LYRM4: variants seen among roughly 807,000 people sequenced by gnomAD.
The protein encoded by LYRM4 is LYR motif-containing protein 4.
LYRM4 carries 9 observed loss-of-function variants against 11.7 expected under a neutral mutation model. The observed-to-expected ratio is 0.77, with a 90% CI of 0.46 to 1.34. The LOEUF is 1.34. Ranked by LOEUF, LYRM4 falls within the 40% of genes most tolerant of loss-of-function variation. The pLI, the probability that LYRM4 is intolerant of heterozygous loss-of-function variation, is 0.00. For missense variants in LYRM4, 133 were observed against 112.5 expected (o/e 1.18, Z -0.82); for synonymous variants, 42 against 40.4 (o/e 1.04, Z -0.15).
At chr6:5,060,077 G>T in the LYRM4 span, among the ~76,000 whole-genome samples, 2 of 152,168 alleles carry the variant, frequency 1.3e-5, no homozygotes, top group Non-Finnish European at 2.9e-5. Context: ...TATTGAACTT[G>T]TCCCCTCTTT....
chr6:5,066,951 C>T, the LYRM4 span: 7 of 1,075,762 alleles, frequency 6.5e-6, no homozygotes, highest in African/African-American at 9.7e-5. Flanking sequence ...GAGCCTCAGC[C>T]GAGGAGGAAA....
chr6:5,109,361 C>T lies in LYRM4; in HGVS notation c.*62G>A. On this transcript the variant is annotated 3_prime_UTR_variant, in exon 3 of 3. Coordinates refer to ENST00000330636, the MANE Select transcript of LYRM4 (RefSeq NM_020408.6). ...AAGCTGGTTTTGGGAGCCCCCATCT[C>T]AAACAGAGAGTGGATGCTGAAGGTG... is the stretch of plus-strand genomic sequence containing the variant. 6.2e-7 allele frequency: 1 copy of T among 1,609,082 alleles called. No individual in the cohort carries two copies. Among genetic ancestry groups the T allele is most frequent in the Non-Finnish European group, 8.5e-7 (1 of 1,176,328 alleles).
At chr6:5,103,628 A>ATT (rs1491437052), downstream of LYRM4, 2 of 98,620 alleles carry the variant, frequency 2.0e-5, no homozygotes, top group Admixed American at 1.3e-4. Context: ...AATATCTGAG[A>ATT]TATTTTTTTT....
chr6:5,085,770 GGCCAAGTTCCT>G, the LYRM4 span: 1 of 1,534,734 alleles, frequency 6.5e-7, no homozygotes, highest in Non-Finnish European at 8.8e-7. Context: ...TCTTGCAGGC[GGCCAAGTTCCT>G]GCAGCAGCAG....
At chr6:5,049,859 G>A in the LYRM4 span, among the ~76,000 whole-genome samples, 25 of 152,284 alleles carry the variant, frequency 1.6e-4, no homozygotes, top group African/African-American at 4.8e-4. Context: ...TAGTAGAGAC[G>A]GGGTTTCATC....
intron 2 of LYRM4, among the ~76,000 whole-genome samples, chr6:5,113,866 TA>T (rs1365225642): frequency 6.6e-6 from 1 of 152,200 alleles, no homozygotes; most frequent in Non-Finnish European, 1.5e-5. Context: ...CATGCCTGGC[TA>T]ATCAATGATT....
the LYRM4 span, among the ~76,000 whole-genome samples, chr6:5,073,493 T>TA: frequency 2.0e-5 from 3 of 148,388 alleles, no homozygotes; most frequent in Non-Finnish European, 4.5e-5. Context: ...TATCTATATA[T>TA]ATCTCTATAT....
the LYRM4 span, among the ~76,000 whole-genome samples, chr6:5,045,779 G>A: frequency 9.2e-5 from 14 of 151,716 alleles, no homozygotes; most frequent in East Asian, 3.8e-4. Context: ...TTTTCCTGCC[G>A]AAAAGAGGTG....
the LYRM4 span, among the ~76,000 whole-genome samples, chr6:5,045,429 G>C: frequency 0.014 from 2,185 of 152,326 alleles, 58 homozygotes; most frequent in African/African-American, 0.05. Flanking sequence ...CACAGAGATA[G>C]AAAGTAGACT....
intron 2 of LYRM4, among the ~76,000 whole-genome samples, chr6:5,165,611 C>G (rs189462682): frequency 2.0e-5 from 3 of 151,650 alleles, no homozygotes; most frequent in South Asian, 2.1e-4. Flanking sequence ...GGCGCGATCT[C>G]GGCTCACTGC....
the LYRM4 span, among the ~76,000 whole-genome samples, chr6:5,050,056 G>A: frequency 6.6e-6 from 1 of 152,242 alleles, no homozygotes; most frequent in East Asian, 1.9e-4. Flanking sequence ...TCTGATGTTC[G>A]ACATTCAAGA....
chr6:5,086,460 C>A, the LYRM4 span: 1 of 1,537,030 alleles, frequency 6.5e-7, no homozygotes, highest in Non-Finnish European at 8.7e-7. Flanking sequence ...GCGTCGCGGT[C>A]CACTTCGCTG....
chr6:5,216,126 C>A (rs1315726050), intron 2 of LYRM4, among the ~76,000 whole-genome samples: 1 of 152,116 alleles, frequency 6.6e-6, no homozygotes, highest in East Asian at 1.9e-4. Flanking sequence ...GGGTCAGCAC[C>A]CAAGCAGCTG....
At chr6:5,233,564 T>A (rs1255428780) in intron 1 of LYRM4, among the ~76,000 whole-genome samples, 2 of 152,206 alleles carry the variant, frequency 1.3e-5, no homozygotes, top group African/African-American at 4.8e-5. Flanking sequence ...ATTCAGAGGC[T>A]GGAGGCTGAT....
the LYRM4 span, chr6:5,066,677 G>A: frequency 9.8e-7 from 1 of 1,024,548 alleles, no homozygotes; most frequent in Non-Finnish European, 1.5e-6. Context: ...GACCTGGACT[G>A]CACTGCAGCA....
downstream of LYRM4, chr6:5,104,176 C>G (rs915031495): frequency 3.9e-5 from 6 of 152,520 alleles, 1 homozygote; most frequent in Admixed American, 3.3e-4. Flanking sequence ...CTCTTCCAAT[C>G]GAACTTACAC....
At chr6:5,125,952 G>C (rs953020705) in intron 2 of LYRM4, among the ~76,000 whole-genome samples, 7 of 152,220 alleles carry the variant, frequency 4.6e-5, no homozygotes, top group African/African-American at 1.7e-4. Flanking sequence ...GTCTAACCCT[G>C]AGGACACTGC....
chr6:5,195,728 A>T (rs1761014434), intron 2 of LYRM4, among the ~76,000 whole-genome samples: 1 of 152,138 alleles, frequency 6.6e-6, no homozygotes, highest in Non-Finnish European at 1.5e-5. Flanking sequence ...TGACAGGAAA[A>T]GGGTGGGGTC....
chr6:5,049,631 C>G, the LYRM4 span, among the ~76,000 whole-genome samples: 1 of 151,820 alleles, frequency 6.6e-6, no homozygotes, highest in East Asian at 1.9e-4. Flanking sequence ...GAGTGAGAAA[C>G]TAAATTGAAT....
Sources: gnomAD v4.1 joint callset for allele counts (sites outside exome capture counted in the v4.1 genomes callset) on GRCh38, gnomAD v4.1.1 for gene constraint, MANE v1.5 for transcripts, NCBI Gene and HGNC (gene_info 2026-07-23, HGNC 2026-07-21) for gene names.